PLCG2: variants seen among roughly 807,000 people sequenced by gnomAD.
PLCG2 encodes phospholipase C gamma 2.
In PLCG2, 69 loss-of-function variants were observed where a neutral mutation model predicts 175.6. The observed-to-expected ratio is 0.39, with a 90% CI of 0.32 to 0.48. The LOEUF is 0.48. Among genes scored for constraint, PLCG2 ranks in the 20% least tolerant of loss-of-function variants. The pLI is 0.91. For missense variants in PLCG2, 1,798 were observed against 1,650.9 expected (o/e 1.09, Z -1.54); for synonymous variants, 827 against 624.0 (o/e 1.33, Z -4.85).
chr16:81,890,452 G>T (rs111697677), intron 10 of PLCG2, among the ~76,000 whole-genome samples: 307 of 152,306 alleles, frequency 2.0e-3, no homozygotes, highest in African/African-American at 6.6e-3. Flanking sequence ...TAATTTTCTT[G>T]TTGTTCTGAT....
At position 81,846,120 on chromosome 16, in the gene PLCG2, G is replaced by A. The variant is rs73590844; in HGVS notation, c.194-8324G>A. Among the ~76,000 whole-genome samples, 771 of 152,288 alleles carry A rather than the reference G, an allele frequency of 5.1e-3. 6 individuals carry two copies. Among genetic ancestry groups the A allele is most frequent in the African/African-American group, 0.018 (744 of 41,542 alleles). On this transcript the variant is annotated intron_variant, in intron 2 of 32. Coordinates refer to ENST00000564138, the MANE Select transcript of PLCG2 (RefSeq NM_002661.5). ...CCAGCTGCTAGGAGTGTTGGGTGTC[G>A]TGGCTCACAGGTGCCCCTTCTTCAG...
chr16:81,863,067 A>C (rs1907059818), intron 5 of PLCG2, among the ~76,000 whole-genome samples: 1 of 152,198 alleles, frequency 6.6e-6, no homozygotes, highest in African/African-American at 2.4e-5. Flanking sequence ...AACATTGATC[A>C]TTTTAACCGT....
intron 13 of PLCG2, among the ~76,000 whole-genome samples, chr16:81,896,590 C>A (rs1343143732): frequency 6.6e-6 from 1 of 151,878 alleles, no homozygotes; most frequent in Non-Finnish European, 1.5e-5. Context: ...AGGAAAAAAA[C>A]CCAAAAAAAC....
At chr16:81,777,434 T>C (rs1251741642), upstream of PLCG2, among the ~76,000 whole-genome samples, 2 of 142,538 alleles carry the variant, frequency 1.4e-5, no homozygotes, top group African/African-American at 5.4e-5. Context: ...CAAGCTGAAG[T>C]TCTAAAAAAA....
intron 5 of PLCG2, among the ~76,000 whole-genome samples, chr16:81,860,172 A>ATTATT (rs763047744): frequency 1.1e-3 from 128 of 120,606 alleles, no homozygotes; most frequent in African/African-American, 2.1e-3. Flanking sequence ...TATTATTATT[A>ATTATT]TTTTTTTTTT....
In PLCG2 at chr16:81,854,449, A is replaced by G. The variant is rs1231068460; in HGVS notation, c.199A>G (p.Ile67Val). Residue 67 changes from isoleucine (I) to valine (V), a missense_variant, in exon 3 of 33, where the codon ATC becomes GTC. Physicochemically the swap from Ile to Val is conservative, Grantham distance 29. Transcript: ENST00000564138. ...TCATGTTAATTTCATTTTAGTGGAT[A>G]TCATGGAAATAAAAGAAATCCGCCC... The part of the protein sequence containing the change: ...TADKIEGFLD[I>V]MEIKEIRPGK... 1 of 1,613,850 alleles carries G rather than the reference A, an allele frequency of 6.2e-7. No individual in the cohort carries two copies. Among genetic ancestry groups the G allele is most frequent in the African/African-American group, 1.3e-5 (1 of 74,934 alleles).
intron 3 of PLCG2, among the ~76,000 whole-genome samples, chr16:81,855,537 T>C (rs1906640532): frequency 6.6e-6 from 1 of 152,232 alleles, no homozygotes; most frequent in Non-Finnish European, 1.5e-5. Context: ...CTACATGTCT[T>C]TTGAGCCTAT....
Position 81,874,052 on chromosome 16 carries a change from A to G in PLCG2, c.648+3117A>G, listed in dbSNP as rs187425461. On this transcript the variant is annotated intron_variant, in intron 7 of 32. Coordinates refer to ENST00000564138, the MANE Select transcript of PLCG2 (RefSeq NM_002661.5). Reference sequence around the variant, plus strand: ...GTATGGCAAAGATTCTGCCGATACCAAAGGTTGACCCCTGGTGGCCAGAAT... The same window carrying G: ...GTATGGCAAAGATTCTGCCGATACCGAAGGTTGACCCCTGGTGGCCAGAAT... Among the ~76,000 whole-genome samples the G allele has an allele frequency of 3.4e-3, 523 of 152,320 alleles. 4 individuals are homozygous for G. Among genetic ancestry groups the G allele is most frequent in the Middle Eastern group, 0.014 (4 of 294 alleles).
intron 1 of PLCG2, among the ~76,000 whole-genome samples, chr16:81,746,365 G>A (rs1909705334): frequency 6.6e-6 from 1 of 152,198 alleles, no homozygotes. Flanking sequence ...CATCTGGGGC[G>A]GAAACGGAAG....
At chr16:81,923,034 T>C (rs1597134434) in intron 21 of PLCG2, among the ~76,000 whole-genome samples, 1 of 152,152 alleles carries the variant, frequency 6.6e-6, no homozygotes, top group South Asian at 2.1e-4. Flanking sequence ...GCAGGAAGAA[T>C]GGGGTTGCCC....
intron 1 of PLCG2, among the ~76,000 whole-genome samples, chr16:81,742,871 G>A (rs933978361): frequency 1.3e-5 from 2 of 152,144 alleles, no homozygotes. Context: ...CATTGGTCCC[G>A]CTCCTCTTGT....
chr16:81,917,046 T>C (rs1475687482), intron 19 of PLCG2, among the ~76,000 whole-genome samples: 2 of 152,016 alleles, frequency 1.3e-5, no homozygotes, highest in Non-Finnish European at 2.9e-5. Context: ...TCCCCAACAC[T>C]CCCTACCTCC....
intron 22 of PLCG2, among the ~76,000 whole-genome samples, chr16:81,925,133 C>G (rs1231392628): frequency 6.6e-6 from 1 of 152,226 alleles, no homozygotes; most frequent in Non-Finnish European, 1.5e-5. Flanking sequence ...AGGCAGTTCT[C>G]TGAATTTCGA....
At chr16:81,870,410 A>G (rs925743962) in intron 6 of PLCG2, among the ~76,000 whole-genome samples, 3 of 152,238 alleles carry the variant, frequency 2.0e-5, no homozygotes, top group Non-Finnish European at 4.4e-5. Flanking sequence ...AAAATGACCT[A>G]TATGTACGTA....
intron 25 of PLCG2, 32 bp from the exon 26 acceptor site, chr16:81,934,397 G>GA (rs756736260): frequency 5.2e-6 from 7 of 1,347,414 alleles, no homozygotes; most frequent in Non-Finnish European, 7.5e-6. Context: ...ATTTCTCGGG[G>GA]GCGGGCACTA....
intron 7 of PLCG2, among the ~76,000 whole-genome samples, chr16:81,876,016 CTT>C (rs547152035): frequency 4.3e-5 from 5 of 115,006 alleles, no homozygotes; most frequent in South Asian, 3.0e-4. Flanking sequence ...CTTTTTCTTT[CTT>C]TTTTTTTTTT....
chr16:81,769,661 C>CA (rs1174824481), intron 2 of PLCG2, among the ~76,000 whole-genome samples: 28 of 149,934 alleles, frequency 1.9e-4, no homozygotes, highest in East Asian at 3.9e-4. Context: ...ACTAAAAATA[C>CA]AAAAAAAAAT....
intron 2 of PLCG2, among the ~76,000 whole-genome samples, chr16:81,790,478 T>C (rs1348399481): frequency 6.6e-6 from 1 of 152,188 alleles, no homozygotes; most frequent in Non-Finnish European, 1.5e-5. Context: ...GTGGGGACTG[T>C]CAGTGTCACC....
chr16:81,816,331 A>G (rs963587108), intron 2 of PLCG2, among the ~76,000 whole-genome samples: 1 of 152,208 alleles, frequency 6.6e-6, no homozygotes, highest in Non-Finnish European at 1.5e-5. Flanking sequence ...AAATCGTGCC[A>G]CTACACTCCA....
Sources: gnomAD v4.1 joint callset for allele counts (sites outside exome capture counted in the v4.1 genomes callset) on GRCh38, gnomAD v4.1.1 for gene constraint, MANE v1.5 for transcripts, NCBI Gene and HGNC (gene_info 2026-07-23, HGNC 2026-07-21) for gene names.